Variants in CRACD observed in about 807,000 individuals in gnomAD.
CRACD encodes the protein capping protein inhibiting regulator of actin dynamics.
CRACD carries 56 observed loss-of-function variants against 106.8 expected under a neutral mutation model. That is an observed-to-expected ratio of 0.52 (90% CI 0.42 to 0.66). The LOEUF is 0.66. Ranked by LOEUF, CRACD falls within the 30% of genes least tolerant of loss-of-function variation. The pLI is 0.00. For missense variants in CRACD, 1,730 were observed against 1,623.2 expected, an observed-to-expected ratio of 1.07 and a Z score of -1.13; for synonymous variants, 754 against 670.8, an observed-to-expected ratio of 1.12 and a Z score of -1.92.
intron 1 of CRACD, among the ~76,000 whole-genome samples, chr4:56,092,185 A>G (rs1013061677): frequency 1.3e-5 from 2 of 152,224 alleles, no homozygotes; most frequent in Non-Finnish European, 2.9e-5. Context: ...ACTTTGTGCC[A>G]GGGAAGGCAT....
intron 1 of CRACD, among the ~76,000 whole-genome samples, chr4:56,114,618 C>G (rs1174766214): frequency 6.6e-6 from 1 of 151,848 alleles, no homozygotes; most frequent in African/African-American, 2.4e-5. Flanking sequence ...TCCTGGGGCA[C>G]TATTTCAAAC....
intron 2 of CRACD, among the ~76,000 whole-genome samples, chr4:56,250,801 A>G (rs1348113109): frequency 2.0e-5 from 3 of 152,232 alleles, no homozygotes; most frequent in African/African-American, 4.8e-5. Context: ...TAAGCCTGGC[A>G]CATGGCCTAA....
At chr4:56,312,388 C>T (rs888204031) in intron 6 of CRACD, among the ~76,000 whole-genome samples, 2 of 152,170 alleles carry the variant, frequency 1.3e-5, no homozygotes, top group Non-Finnish European at 2.9e-5. Flanking sequence ...GTCTCGAACT[C>T]CTGGCCTCAA....
At chr4:56,156,887 G>A (rs943446885) in intron 1 of CRACD, among the ~76,000 whole-genome samples, 1 of 152,192 alleles carries the variant, frequency 6.6e-6, no homozygotes, top group African/African-American at 2.4e-5. Context: ...CCTTCTGCCT[G>A]TACCTATTAC....
chr4:56,239,264 G>A (rs115784058), intron 2 of CRACD, among the ~76,000 whole-genome samples: 1,961 of 151,902 alleles, frequency 0.013, 49 homozygotes, highest in African/African-American at 0.045. Context: ...CTGCACTCCC[G>A]CCTGCATGAC....
In CRACD at chr4:56,182,861, A is replaced by ATGTGTGTGTG. The variant is rs763638808; in HGVS notation, c.-189+3432_-189+3433insGTGTGTGTGT. ...TTCTCATACAACGTAGAAAAAAAAG[A>ATGTGTGTGTG]TATGTGTGTGTGTGTGTGTGTGTGT... On this transcript the variant is annotated intron_variant, in intron 2 of 10. Coordinates refer to ENST00000682029, the MANE Select transcript of CRACD (RefSeq NM_001393381.1). Among the ~76,000 whole-genome samples, 371 of 101,978 alleles carry ATGTGTGTGTG rather than the reference A, an allele frequency of 3.6e-3. 3 individuals carry two copies. Among genetic ancestry groups the ATGTGTGTGTG allele is most frequent in the African/African-American group, 0.012 (333 of 27,568 alleles). The allele number at this position is 101,978 out of a possible 152,430, so 66.9% of individuals were successfully genotyped here.
At chr4:56,326,741 C>G (rs1577923518) in intron 10 of CRACD, among the ~76,000 whole-genome samples, 1 of 137,880 alleles carries the variant, frequency 7.3e-6, no homozygotes, top group Non-Finnish European at 1.6e-5. Context: ...GGGACGGTAG[C>G]TTTTTTTTTT....
At chr4:56,212,681 A>G (rs1283230488) in intron 2 of CRACD, among the ~76,000 whole-genome samples, 5 of 152,174 alleles carry the variant, frequency 3.3e-5, no homozygotes, top group African/African-American at 7.2e-5. Context: ...AACTTAGCCA[A>G]TGATTTTTCC....
chr4:56,315,570 C>G lies in CRACD; in HGVS notation c.2068C>G (p.Gln690Glu). 1.2e-6 allele frequency: 2 copies of G among 1,614,124 alleles called. No homozygotes were observed. The highest frequency in any genetic ancestry group is 2.2e-5 in the South Asian group (2 of 91,088). The change falls in exon 8 of 11, where the codon CAG becomes GAG. Residue 690 changes from glutamine to glutamate, a missense_variant. Physicochemically the swap from Gln to Glu is conservative, Grantham distance 29. Transcript: ENST00000682029. The surrounding 1 kb of genome is among the most constrained non-coding windows in gnomAD (Gnocchi z 4.1). Reference sequence around the variant, plus strand: ...TGACCCGCGCAGCAGCGAGAGGGACCAGTTGAGGCCCGGTGATGAGTCCAC... The same window carrying G: ...TGACCCGCGCAGCAGCGAGAGGGACGAGTTGAGGCCCGGTGATGAGTCCAC... ...ESDPRSSERDQLRPGDESTPR... is the reference protein window; with the variant it reads ...ESDPRSSERDELRPGDESTPR...
chr4:56,112,569 C>CA (rs1340429166), intron 1 of CRACD, among the ~76,000 whole-genome samples: 2 of 152,128 alleles, frequency 1.3e-5, no homozygotes, highest in Non-Finnish European at 1.5e-5. Flanking sequence ...GAATTTAGAA[C>CA]AAAGAACACC....
intron 2 of CRACD, among the ~76,000 whole-genome samples, chr4:56,269,760 C>T (rs1742240219): frequency 6.6e-6 from 1 of 151,792 alleles, no homozygotes; most frequent in South Asian, 2.1e-4. Context: ...TTTTAAGCAA[C>T]CAGATCTCAC....
intron 2 of CRACD, among the ~76,000 whole-genome samples, chr4:56,200,273 T>A (rs1465460620): frequency 1.3e-5 from 2 of 152,142 alleles, no homozygotes; most frequent in Non-Finnish European, 2.9e-5. Context: ...AACTAGAACC[T>A]CATTTTTTTA....
chr4:56,328,806 A>G lies in CRACD; in HGVS notation c.*1002A>G, dbSNP rs1375487333. ...GGGAGGCTCATTCACTCAAAAAGCAACAGTGAGACAGGAAAAATAATAAAA... is the reference window on the plus strand; with the variant it reads ...GGGAGGCTCATTCACTCAAAAAGCAGCAGTGAGACAGGAAAAATAATAAAA... On this transcript the variant is annotated 3_prime_UTR_variant, in exon 11 of 11. Transcript: ENST00000682029. Among the ~76,000 whole-genome samples, 1 of 152,204 alleles carries G rather than the reference A, an allele frequency of 6.6e-6. No homozygotes were observed. The highest frequency in any genetic ancestry group is 2.4e-5 in the African/African-American group (1 of 41,444).
intron 2 of CRACD, among the ~76,000 whole-genome samples, chr4:56,234,271 C>T (rs1202692591): frequency 1.3e-5 from 2 of 152,158 alleles, no homozygotes; most frequent in African/African-American, 4.8e-5. Flanking sequence ...CCAATAGCCC[C>T]TGGCAATCAC....
intron 1 of CRACD, among the ~76,000 whole-genome samples, chr4:56,127,063 C>T (rs1485037512): frequency 6.6e-6 from 1 of 152,018 alleles, no homozygotes; most frequent in Non-Finnish European, 1.5e-5. Context: ...ACTTGGGAGG[C>T]GGAGCCCTCA....
chr4:56,123,100 AGT>A lies in CRACD; in HGVS notation c.-335-56181_-335-56180del, dbSNP rs778497407. ...TTAATGAAATTTTCAATGGTAGTAG[AGT>A]GTAAATTACAGATTTCCCTTTAATA... On this transcript the variant is annotated intron_variant, in intron 1 of 10. Coordinates refer to ENST00000682029, the MANE Select transcript of CRACD (RefSeq NM_001393381.1). Among the ~76,000 whole-genome samples the A allele has an allele frequency of 5.3e-5, 8 of 152,368 alleles. No homozygotes were observed. The South Asian group carries it at 1.7e-3, about 32-fold the overall frequency.
chr4:56,161,764 A>T (rs10025179), intron 1 of CRACD, among the ~76,000 whole-genome samples: 2 of 147,044 alleles, frequency 1.4e-5, no homozygotes, highest in Admixed American at 6.8e-5. Flanking sequence ...CTAGCCAAAG[A>T]GCATTTTTTT....
chr4:56,189,002 G>T (rs575351188), intron 2 of CRACD, among the ~76,000 whole-genome samples: 183 of 152,142 alleles, frequency 1.2e-3, no homozygotes, highest in Non-Finnish European at 2.2e-3. Flanking sequence ...TTGCCAACAA[G>T]GTGAAACCCC....
intron 3 of CRACD, among the ~76,000 whole-genome samples, chr4:56,274,902 T>C (rs114965878): frequency 0.045 from 6,883 of 152,192 alleles, 220 homozygotes; most frequent in Non-Finnish European, 0.066. Context: ...CAGTGACAGA[T>C]TGGATAAAGA....
Sources: gnomAD v4.1 joint callset for allele counts (sites outside exome capture counted in the v4.1 genomes callset) on GRCh38, gnomAD v4.1.1 for gene constraint, Gnocchi (gnomAD v3.1) non-coding constraint, MANE v1.5 for transcripts, NCBI Gene and HGNC (gene_info 2026-07-23, HGNC 2026-07-21) for gene names.